The following GATAD2A variants were observed in gnomAD, a reference collection of about 807,000 sequenced individuals.
GATAD2A encodes transcriptional repressor p66-alpha.
In GATAD2A, 12 loss-of-function variants were observed where a neutral mutation model predicts 68.5. The observed-to-expected ratio is 0.18, with a 90% CI of 0.11 to 0.28. GATAD2A has a LOEUF of 0.28. GATAD2A is among the 10% of genes least tolerant of loss of function. The pLI, the probability that GATAD2A is intolerant of heterozygous loss-of-function variation, is 1.00. For missense variants in GATAD2A, 755 were observed against 868.5 expected (o/e 0.87, Z 1.64); for synonymous variants, 410 against 375.3 (o/e 1.09, Z -1.07).
Position 19,502,021 on chromosome 19 carries a change from G to A in GATAD2A, c.1556G>A (p.Trp519Ter). ...LAFRSGEARD[W>*]SNGAVLQASS... ...TTCCGCTCAGGAGAGGCCCGCGACT[G>A]GAGTAACGGGGCTGTGCTACAGGTC... The change falls in exon 10 of 12, where the codon TGG becomes TAG. Residue 519 changes from tryptophan to a stop codon, truncating the protein, a stop_gained. Coordinates refer to ENST00000683918, the MANE Select transcript of GATAD2A (RefSeq NM_001384528.1). LOFTEE classifies it high-confidence loss of function. 6.2e-7 allele frequency: 1 copy of A among 1,613,640 alleles called. No homozygotes were observed. Among genetic ancestry groups the A allele is most frequent in the Non-Finnish European group, 8.5e-7 (1 of 1,179,664 alleles).
upstream of GATAD2A, among the ~76,000 whole-genome samples, chr19:19,405,109 T>G (rs1024381247): frequency 6.6e-6 from 1 of 151,974 alleles, no homozygotes; most frequent in African/African-American, 2.4e-5. Flanking sequence ...GAGGGCAGAT[T>G]GGGAGGTAAC....
chr19:19,426,447 C>T (rs1206988483), intron 1 of GATAD2A, among the ~76,000 whole-genome samples: 4 of 152,188 alleles, frequency 2.6e-5, no homozygotes, highest in African/African-American at 9.7e-5. Context: ...ACTTGTCCAT[C>T]TATGACATAA....
At chr19:19,487,789 T>C (rs1402111539) in intron 2 of GATAD2A, among the ~76,000 whole-genome samples, 1 of 152,136 alleles carries the variant, frequency 6.6e-6, no homozygotes, top group East Asian at 1.9e-4. Context: ...AGGTAGGGCC[T>C]GGTGAGCCCA....
rs2060561729 is a variant in GATAD2A at position 19,502,034 on chromosome 19, T to C, written c.1569T>C (p.Ala523=). 6.2e-7 allele frequency: 1 copy of C among 1,613,352 alleles called. No individual in the cohort carries two copies. ...SGEARDWSNG[A]VLQASSQLSR... ...AGGCCCGCGACTGGAGTAACGGGGCTGTGCTACAGGTCAGAACCGCACTGG... is the reference window on the plus strand; with the variant it reads ...AGGCCCGCGACTGGAGTAACGGGGCCGTGCTACAGGTCAGAACCGCACTGG... The change falls in exon 10 of 12, where the codon GCT becomes GCC. Residue 523 remains alanine (A), a synonymous_variant. Coordinates refer to ENST00000683918, the MANE Select transcript of GATAD2A (RefSeq NM_001384528.1).
At chr19:19,493,519 C>G (rs1461417094) in intron 4 of GATAD2A, among the ~76,000 whole-genome samples, 1 of 152,210 alleles carries the variant, frequency 6.6e-6, no homozygotes, top group Non-Finnish European at 1.5e-5. Flanking sequence ...TGCGCTGCTT[C>G]TAGATGCAGC....
intron 2 of GATAD2A, among the ~76,000 whole-genome samples, chr19:19,471,146 C>T (rs1217924912): frequency 4.0e-5 from 6 of 151,238 alleles, no homozygotes; most frequent in Non-Finnish European, 5.9e-5. Flanking sequence ...GTCCCAGCTA[C>T]GTGGGAGGCT....
At chr19:19,502,282 C>T (rs757906849) in intron 10 of GATAD2A, 49 bp from the exon 11 acceptor site, 1 of 1,397,742 alleles carries the variant, frequency 7.2e-7, no homozygotes. Context: ...GTCTCGCCTG[C>T]TGCTGTCTTT....
chr19:19,465,592 G>T lies in GATAD2A; in HGVS notation c.247G>T (p.Val83Leu), dbSNP rs550086696. 6.2e-7 allele frequency: 1 copy of T among 1,611,130 alleles called. No homozygotes were observed. Among genetic ancestry groups the T allele is most frequent in the African/African-American group, 1.3e-5 (1 of 74,892 alleles). The change falls in exon 2 of 12, where the codon GTG (valine) becomes TTG (leucine). Residue 83 changes from valine to leucine, a missense_variant. Physicochemically the swap from Val to Leu is conservative, Grantham distance 32. Transcript: ENST00000683918. ...CGAAGGGCTGGTGGGCGATGGGCCCGTGGACATGCGCACCTCACACAGGTG... is the reference window on the plus strand; with the variant it reads ...CGAAGGGCTGGTGGGCGATGGGCCCTTGGACATGCGCACCTCACACAGGTG... ...RGEGLVGDGP[V>L]DMRTSHSDMK... is the part of the protein sequence containing the mutation.
chr19:19,420,331 CTT>C (rs1184441572), intron 1 of GATAD2A, among the ~76,000 whole-genome samples: 6 of 86,058 alleles, frequency 7.0e-5, no homozygotes, highest in Non-Finnish European at 4.6e-5. Flanking sequence ...CCCATCTTGA[CTT>C]TTTTTTTTTT....
At chr19:19,387,741 A>T (rs966421022) in intron 1 of GATAD2A, among the ~76,000 whole-genome samples, 5 of 151,556 alleles carry the variant, frequency 3.3e-5, no homozygotes, top group African/African-American at 1.2e-4. Context: ...CTTCTTTTCT[A>T]TTTCTTCTGG....
intron 2 of GATAD2A, among the ~76,000 whole-genome samples, chr19:19,477,188 C>T (rs1004316226): frequency 6.6e-5 from 10 of 152,110 alleles, no homozygotes; most frequent in African/African-American, 2.4e-4. Context: ...GCAGATGCCA[C>T]CGTTCTCTCT....
chr19:19,506,584 T>G lies in GATAD2A; in HGVS notation c.*1110T>G, dbSNP rs1008194044. The stretch of plus-strand genomic sequence containing the variant: ...CTAGTTTAGAACCTGTCCTTAAACC[T>G]AGGGGTTGCTGTCAGGATTTGCTTT... On this transcript the variant is annotated 3_prime_UTR_variant, in exon 12 of 12. Transcript: ENST00000683918. 7 of 157,092 alleles carry G rather than the reference T, an allele frequency of 4.5e-5. No individual in the cohort carries two copies. The highest frequency in any genetic ancestry group is 8.3e-5 in the Non-Finnish European group (6 of 72,186). 9.7% of individuals were successfully genotyped at this position (157,092 alleles called of 1,614,324 possible).
At chr19:19,495,039 A>G (rs1475987312) in intron 5 of GATAD2A, among the ~76,000 whole-genome samples, 2 of 152,228 alleles carry the variant, frequency 1.3e-5, no homozygotes, top group African/African-American at 2.4e-5. Flanking sequence ...TCTGTTACCC[A>G]GGCTGGAGTG....
chr19:19,430,448 C>T (rs1426508054), intron 1 of GATAD2A, among the ~76,000 whole-genome samples: 1 of 152,040 alleles, frequency 6.6e-6, no homozygotes, highest in African/African-American at 2.4e-5. Flanking sequence ...AGGAGAGGGG[C>T]GGGAGAAGGT....
rs993441013 is a variant in GATAD2A, at chr19:19,405,726, C to G, written c.-300C>G. On this transcript the variant is annotated 5_prime_UTR_variant, in exon 1 of 12. Transcript: ENST00000683918. The stretch of plus-strand genomic sequence containing the variant: ...GGCGGCGTCGCCTTTAAGAGCTCCC[C>G]GGTGTTTTGGGGGCCGCGGGCCGGG... The G allele has an allele frequency of 4.6e-5, 7 of 151,706 alleles. No individual in the cohort carries two copies. Among genetic ancestry groups the G allele is most frequent in the Non-Finnish European group, 1.0e-4 (7 of 67,902 alleles). The allele number at this position is 151,706 out of a possible 1,614,324, so 9.4% of individuals were successfully genotyped here. A position where few individuals can be genotyped will look rare whatever the true frequency, so the allele number is the denominator to read the frequency against.
At chr19:19,398,349 A>G (rs2049430515) in intron 1 of GATAD2A, among the ~76,000 whole-genome samples, 1 of 151,754 alleles carries the variant, frequency 6.6e-6, no homozygotes, top group Non-Finnish European at 1.5e-5. Flanking sequence ...GATTACAGGC[A>G]TGCACTACCA....
At chr19:19,495,963 C>T (rs1352630145) in intron 6 of GATAD2A, 78 bp downstream of exon 6, 5 of 1,583,540 alleles carry the variant, frequency 3.2e-6, no homozygotes, top group Non-Finnish European at 3.5e-6. Context: ...CCTTCCCAGT[C>T]CTTGGGGGCA....
At position 19,467,142 on chromosome 19, in the gene GATAD2A, G is replaced by A. The variant is rs542098880; in HGVS notation, c.269+1528G>A. 5.3e-5 allele frequency among the ~76,000 whole-genome samples: 8 copies of A among 152,316 alleles called. No homozygotes were observed. The South Asian group carries it at 1.7e-3, about 32-fold the overall frequency. On this transcript the variant is annotated intron_variant, in intron 2 of 11. Coordinates refer to ENST00000683918, the MANE Select transcript of GATAD2A (RefSeq NM_001384528.1). ...TGTAATCCCAGCACTTTAGGGGGCC[G>A]AGGCGGGTGGATCACAAGGTCAGGA...
At chr19:19,441,011 C>T (rs2054999076) in intron 1 of GATAD2A, among the ~76,000 whole-genome samples, 1 of 146,684 alleles carries the variant, frequency 6.8e-6, no homozygotes, top group Non-Finnish European at 1.5e-5. Flanking sequence ...TCCCTTCCTT[C>T]CCTTCCTTCC....
Sources: gnomAD v4.1 joint callset for allele counts (sites outside exome capture counted in the v4.1 genomes callset) on GRCh38, gnomAD v4.1.1 for gene constraint, MANE v1.5 for transcripts, NCBI Gene and HGNC (gene_info 2026-07-23, HGNC 2026-07-21) for gene names.